Variants in TRAPPC8 observed in about 807,000 individuals in gnomAD.
TRAPPC8 encodes the protein general sporulation gene 1 homolog.
In TRAPPC8, 54 loss-of-function variants were observed where a neutral mutation model predicts 174.3. The ratio of observed to expected loss-of-function variants is 0.31; its 90% confidence interval spans 0.25 to 0.39. TRAPPC8 has a LOEUF of 0.39. Among genes scored for constraint, TRAPPC8 ranks in the 10% least tolerant of loss-of-function variants. TRAPPC8 has a pLI of 1.00. For synonymous variants in TRAPPC8, 630 were observed against 579.9 expected (o/e 1.09, Z -1.24); for missense variants, 1,531 against 1,699.1 (o/e 0.90, Z 1.74).
At chr18:31,855,954 CAT>C in intron 20 of TRAPPC8, 147 bp from the exon 21 acceptor site, 2 of 878,056 alleles carry the variant, frequency 2.3e-6, no homozygotes, top group Non-Finnish European at 3.3e-6. Context: ...AGTAAAATTA[CAT>C]AGTTAGCCTA....
rs771776558 is a variant in TRAPPC8, at chr18:31,942,631, G to A, written c.134C>T (p.Pro45Leu). The A allele has an allele frequency of 1.9e-6, 3 of 1,610,342 alleles. No individual in the cohort carries two copies. Among genetic ancestry groups the A allele is most frequent in the Non-Finnish European group, 1.7e-6 (2 of 1,178,356 alleles). ...NHLSFAELLK[P>L]FSRLTSEVHM... ...ACCCTCGGAAGTGAGGCGGGAGAAG[G>A]GCTTAAGCAGCTCCGCGAAGCTGAG... is the stretch of plus-strand genomic sequence containing the variant. Residue 45 changes from proline (P) to leucine (L), a missense_variant, in exon 1 of 29, where the codon CCC (proline) becomes CTC (leucine). Pro to Leu is a moderately conservative substitution (Grantham distance 98). Coordinates refer to ENST00000283351, the MANE Select transcript of TRAPPC8 (RefSeq NM_014939.5).
intron 28 of TRAPPC8, 35 bp downstream of exon 28, chr18:31,832,049 C>T: frequency 7.4e-7 from 1 of 1,353,392 alleles, no homozygotes. Flanking sequence ...AAATTGCTCC[C>T]AAATCAAATA....
At chr18:31,893,004 G>C in intron 11 of TRAPPC8, among the ~76,000 whole-genome samples, 1 of 146,058 alleles carries the variant, frequency 6.8e-6, no homozygotes, top group East Asian at 2.1e-4. Context: ...GTGAACGAAT[G>C]ACGCCTTGTC....
In TRAPPC8 at chr18:31,907,472, T is replaced by A; in HGVS notation, c.1377A>T (p.Ala459=). The A allele has an allele frequency of 6.3e-7, 1 of 1,597,058 alleles. No homozygotes were observed. Among genetic ancestry groups the A allele is most frequent in the Non-Finnish European group, 8.5e-7 (1 of 1,170,398 alleles). ...DFLNDQAMLY[A]AGALEMAAVS... Reference sequence around the variant, plus strand: ...ATAGAATACCAACCAAGGCACCAGCTGCATAAAGCATTGCTTGATCATTAA... The same window carrying A: ...ATAGAATACCAACCAAGGCACCAGCAGCATAAAGCATTGCTTGATCATTAA... The change falls in exon 9 of 29, where the codon GCA becomes GCT. Residue 459 remains alanine, a synonymous_variant. Transcript: ENST00000283351.
At chr18:31,901,105 G>A (rs1300677603) in intron 9 of TRAPPC8, 80 bp from the exon 10 acceptor site, 12 of 1,266,112 alleles carry the variant, frequency 9.5e-6, no homozygotes, top group Non-Finnish European at 1.3e-5. Context: ...AAGTTGGAAT[G>A]AAATTTGCTG....
At chr18:31,918,077 A>G (rs1327813670) in intron 2 of TRAPPC8, among the ~76,000 whole-genome samples, 1 of 152,062 alleles carries the variant, frequency 6.6e-6, no homozygotes, top group Non-Finnish European at 1.5e-5. Context: ...AGTGAGCTGA[A>G]ATCACACCAC....
intron 15 of TRAPPC8, 104 bp from the exon 16 acceptor site, chr18:31,870,606 C>A: frequency 8.1e-7 from 1 of 1,232,786 alleles, no homozygotes; most frequent in African/African-American, 1.5e-5. Flanking sequence ...TGCATTTCTG[C>A]CTAGACTGTC....
chr18:31,909,120 C>G (rs1320358688), intron 6 of TRAPPC8, 110 bp from the exon 7 acceptor site: 3 of 1,066,270 alleles, frequency 2.8e-6, no homozygotes, highest in Non-Finnish European at 3.8e-6. Flanking sequence ...AATCCTTTAT[C>G]TTTCAGTATA....
intron 12 of TRAPPC8, among the ~76,000 whole-genome samples, chr18:31,880,121 A>ATATATTTT (rs1239258266): frequency 1.4e-5 from 1 of 69,054 alleles, no homozygotes; most frequent in African/African-American, 5.9e-5. Flanking sequence ...ATATATATAT[A>ATATATTTT]TTTTTTTTTT....
intron 12 of TRAPPC8, among the ~76,000 whole-genome samples, chr18:31,886,906 G>A (rs896354363): frequency 3.9e-5 from 6 of 152,062 alleles, no homozygotes; most frequent in Admixed American, 1.3e-4. Flanking sequence ...ACTTGAACCC[G>A]GGAGGTGGAG....
At chr18:31,927,865 T>C (rs2037684870) in intron 2 of TRAPPC8, among the ~76,000 whole-genome samples, 2 of 152,078 alleles carry the variant, frequency 1.3e-5, no homozygotes, top group Admixed American at 6.6e-5. Context: ...CTAGGCAACA[T>C]AGCAAATGAG....
chr18:31,911,650 A>G lies in TRAPPC8; in HGVS notation c.771+1719T>C, dbSNP rs139401943. Among the ~76,000 whole-genome samples, 446 of 150,494 alleles carry G rather than the reference A, an allele frequency of 3.0e-3. 2 individuals carry two copies. Among genetic ancestry groups the G allele is most frequent in the African/African-American group, 9.6e-3 (390 of 40,824 alleles). On this transcript the variant is annotated intron_variant, in intron 5 of 28. Transcript: ENST00000283351. ...GCTACTCGGGAAGCTGAGGCATGAG[A>G]ATAATTTGAATCCAGGAGGCAGCTG...
chr18:31,894,352 A>G (rs2036097437), intron 11 of TRAPPC8, among the ~76,000 whole-genome samples: 1 of 152,338 alleles, frequency 6.6e-6, no homozygotes, highest in East Asian at 1.9e-4. Context: ...GGATTTTTAC[A>G]AAGTGATGGT....
chr18:31,931,843 C>G (rs1409850131), intron 1 of TRAPPC8, among the ~76,000 whole-genome samples: 1 of 151,968 alleles, frequency 6.6e-6, no homozygotes, highest in Non-Finnish European at 1.5e-5. Flanking sequence ...TCTCACCTCA[C>G]ACTAAAGCTG....
chr18:31,936,589 T>C (rs1270732581), intron 1 of TRAPPC8, among the ~76,000 whole-genome samples: 1 of 152,128 alleles, frequency 6.6e-6, no homozygotes, highest in Non-Finnish European at 1.5e-5. Context: ...TTAAGATTGA[T>C]GAAATATTTC....
intron 12 of TRAPPC8, among the ~76,000 whole-genome samples, chr18:31,876,512 A>AAAAAAAAAAAAAAAAAG (rs2035161079): frequency 6.7e-6 from 1 of 148,332 alleles, no homozygotes; most frequent in Non-Finnish European, 1.5e-5. Context: ...AAAAAAAAAA[A>AAAAAAAAAAAAAAAAAG]GATCACTTAC....
chr18:31,912,392 G>A (rs891775196), intron 5 of TRAPPC8, among the ~76,000 whole-genome samples: 2 of 152,126 alleles, frequency 1.3e-5, no homozygotes, highest in Non-Finnish European at 2.9e-5. Flanking sequence ...TTGGGAGGCT[G>A]AGAGAGGAGA....
In TRAPPC8 at chr18:31,874,797, A is replaced by G. The variant is rs574202408; in HGVS notation, c.1729-93T>C. Reference sequence around the variant, plus strand: ...AACACACACATAGAAACAATTAAGTAACTGGTTCTTCCTCTAAGGGGGACT... The same window carrying G: ...AACACACACATAGAAACAATTAAGTGACTGGTTCTTCCTCTAAGGGGGACT... On this transcript the variant is annotated intron_variant, in intron 12 of 28. Coordinates refer to ENST00000283351, the MANE Select transcript of TRAPPC8 (RefSeq NM_014939.5). The G allele has an allele frequency of 6.7e-6, 7 of 1,041,690 alleles. No individual in the cohort carries two copies. The African/African-American group carries it at 9.6e-5, about 14-fold the overall frequency. The allele number at this position is 1,041,690 out of a possible 1,614,324, so 64.5% of individuals were successfully genotyped here.
Position 31,909,689 on chromosome 18 carries a change from A to C in TRAPPC8, c.843T>G (p.Asp281Glu). The change falls in exon 6 of 29, where the codon GAT (aspartate) becomes GAG (glutamate). Residue 281 changes from aspartate to glutamate, a missense_variant. By Grantham distance (45) the Asp-to-Glu change is conservative (BLOSUM62 2). Transcript: ENST00000283351. Reference protein sequence around the residue: ...KNSDNNLLSLDGLDNEVKDGL... With the variant: ...KNSDNNLLSLEGLDNEVKDGL... ...GACCTTTGACTTCGTTATCTAATCC[A>C]TCCAATGAAAGCAAGTTATTATCAG... The C allele has an allele frequency of 6.2e-7, 1 of 1,601,306 alleles. No homozygotes were observed. Among genetic ancestry groups the C allele is most frequent in the Non-Finnish European group, 8.5e-7 (1 of 1,176,664 alleles).
Sources: allele counts gnomAD v4.1 joint callset (sites outside exome capture counted in the v4.1 genomes callset), GRCh38; gene constraint gnomAD v4.1.1; transcripts MANE v1.5; gene names NCBI Gene and HGNC (gene_info 2026-07-23, HGNC 2026-07-21).